CCNL1: variants seen among roughly 807,000 people sequenced by gnomAD.
CCNL1 encodes cyclin-L1.
Under a neutral mutation model 60.6 loss-of-function variants are expected in CCNL1, and 13 were observed. The observed-to-expected ratio is 0.21, with a 90% confidence interval of 0.14 to 0.34. CCNL1 has a LOEUF of 0.34. Among genes scored for constraint, CCNL1 ranks in the 10% least tolerant of loss-of-function variants. The probability of loss-of-function intolerance (pLI) is 1.00; values close to 1 mark genes in which losing one functional copy is unlikely to be tolerated. For missense variants in CCNL1, 481 were observed against 664.3 expected (o/e 0.72, Z 3.03); for synonymous variants, 270 against 244.3 (o/e 1.10, Z -0.98).
chr3:157,146,758 T>C (rs1257267585), downstream of CCNL1, among the ~76,000 whole-genome samples: 2 of 152,158 alleles, frequency 1.3e-5, no homozygotes, highest in Non-Finnish European at 2.9e-5. Context: ...TTTTCAGAAA[T>C]ATCTATTTAT....
At chr3:157,145,594 C>G (rs1233699024), downstream of CCNL1, among the ~76,000 whole-genome samples, 2 of 151,148 alleles carry the variant, frequency 1.3e-5, no homozygotes, top group Admixed American at 6.6e-5. Flanking sequence ...AAAACAGATA[C>G]AAAAGCCAGT....
At chr3:157,153,278 C>A in intron 3 of CCNL1, 122 bp from the exon 4 acceptor site, 1 of 895,266 alleles carries the variant, frequency 1.1e-6, no homozygotes, top group Non-Finnish European at 1.7e-6. Context: ...TAAACTCCTG[C>A]AAACAAGTTA....
intron 3 of CCNL1, among the ~76,000 whole-genome samples, chr3:157,155,503 T>C (rs1357998249): frequency 6.6e-6 from 1 of 152,214 alleles, no homozygotes. Context: ...ACTTAACTTC[T>C]TGCTTAATCC....
intron 3 of CCNL1, among the ~76,000 whole-genome samples, chr3:157,154,953 CAT>C (rs1738504043): frequency 6.6e-6 from 1 of 152,056 alleles, no homozygotes; most frequent in Non-Finnish European, 1.5e-5. Flanking sequence ...TACATACATA[CAT>C]ACATACATAC....
Position 157,150,546 on chromosome 3 carries a change from GCAAT to G in CCNL1, c.675-169_675-166del, listed in dbSNP as rs1341283585. 34 of 1,369,272 alleles carry G rather than the reference GCAAT, an allele frequency of 2.5e-5. No homozygotes were observed. In the Admixed American group the frequency reaches 2.9e-4, roughly 12 times the overall value. 84.8% of individuals were successfully genotyped at this position (1,369,272 alleles called of 1,614,324 possible). A position where few individuals can be genotyped will look rare whatever the true frequency, so the allele number is the denominator to read the frequency against. ...ACTCTTAACTCAAAAAAATCAGTAAGCAATAAGAATTTAATACTAGGACCATATG... is the reference window on the plus strand; with the variant it reads ...ACTCTTAACTCAAAAAAATCAGTAAGAAGAATTTAATACTAGGACCATATG... On this transcript the variant is annotated intron_variant, in intron 5 of 10. Coordinates refer to ENST00000295926, the MANE Select transcript of CCNL1 (RefSeq NM_020307.4).
chr3:157,150,959 T>C lies in CCNL1; in HGVS notation c.675-578A>G, dbSNP rs555562615. The C allele has an allele frequency of 5.9e-5, 58 of 984,924 alleles. No individual in the cohort carries two copies. In the African/African-American group the frequency reaches 9.9e-4, roughly 17 times the overall value. The allele number at this position is 984,924 out of a possible 1,614,324, so 61.0% of individuals were successfully genotyped here. A position where few individuals can be genotyped will look rare whatever the true frequency, so the allele number is the denominator to read the frequency against. The stretch of plus-strand genomic sequence containing the variant: ...TAATGGCCTTGTTTACATACCTTTT[T>C]TGTGACTAGGTAAAAGAGATAAACT... On this transcript the variant is annotated intron_variant, in intron 5 of 10. Coordinates refer to ENST00000295926, the MANE Select transcript of CCNL1 (RefSeq NM_020307.4).
In CCNL1 at chr3:157,149,315, G is replaced by T; in HGVS notation, c.1204C>A (p.Arg402Ser). The T allele has an allele frequency of 1.9e-6, 3 of 1,613,442 alleles. No individual in the cohort carries two copies. The highest frequency in any genetic ancestry group is 2.5e-6 in the Non-Finnish European group (3 of 1,179,422). ...CTTCTTGGAGTATGTGATCTAGAAC[G>T]TGATCGTGTTCTTGACCTCGATCGA... ...ASRSRSRTRS[R>S]SRSHTPRRHY... Residue 402 changes from arginine (R) to serine (S), a missense_variant, in exon 10 of 11, where the codon CGT becomes AGT. Arg to Ser is a moderately radical substitution (Grantham distance 110, BLOSUM62 -1). This residue lies in a region of CCNL1 where 197 missense variants were observed against 233.9 expected (regional missense o/e 0.84). Transcript: ENST00000295926.
chr3:157,155,733 G>C (rs137991474), intron 3 of CCNL1, among the ~76,000 whole-genome samples: 335 of 152,224 alleles, frequency 2.2e-3, no homozygotes, highest in African/African-American at 7.7e-3. Flanking sequence ...AGTACCTTCT[G>C]TTGCAACAAG....
At chr3:157,158,695 T>C in intron 3 of CCNL1, 171 bp downstream of exon 3, 3 of 514,570 alleles carry the variant, frequency 5.8e-6, no homozygotes, top group Non-Finnish European at 1.0e-5. Context: ...TTATGTTTCT[T>C]TTTTCAAATT....
At chr3:157,148,988 CTA>C in intron 10 of CCNL1, 1 of 327,098 alleles carries the variant, frequency 3.1e-6, no homozygotes. Context: ...AACACATTTT[CTA>C]ACTGAAATTA....
intron 3 of CCNL1, chr3:157,154,439 T>TCTTTG (rs1168865655): frequency 6.6e-6 from 1 of 152,128 alleles, no homozygotes; most frequent in African/African-American, 2.4e-5. Flanking sequence ...GACTTAAGAG[T>TCTTTG]CTTTGCTCTA....
downstream of CCNL1, among the ~76,000 whole-genome samples, chr3:157,145,437 C>CAAAAAAAAAAAAAAAAAAAAAAAAA (rs56894231): frequency 4.1e-4 from 10 of 24,266 alleles, no homozygotes; most frequent in East Asian, 5.0e-3. Context: ...GACTTCATCT[C>CAAAAAAAAAAAAAAAAAAAAAAAAA]AAAAAAAAAA....
chr3:157,153,192 G>C, intron 3 of CCNL1, 36 bp from the exon 4 acceptor site: 2 of 1,577,806 alleles, frequency 1.3e-6, no homozygotes, highest in Non-Finnish European at 1.7e-6. Flanking sequence ...AAACTGTTTT[G>C]CACATCCAAA....
downstream of CCNL1, among the ~76,000 whole-genome samples, chr3:157,143,852 A>G (rs1475810647): frequency 6.6e-6 from 1 of 152,202 alleles, no homozygotes; most frequent in East Asian, 1.9e-4. Context: ...AGCGAGGTTG[A>G]TGGGAGAGGC....
In CCNL1 at chr3:157,150,288, T is replaced by C; in HGVS notation, c.768A>G (p.Ala256=). The change falls in exon 6 of 11, where the codon GCA becomes GCG. Residue 256 remains alanine, a synonymous_variant. Coordinates refer to ENST00000295926, the MANE Select transcript of CCNL1 (RefSeq NM_020307.4). Reference sequence around the variant, plus strand: ...ATGGGAAATATACACCTACCTGAAGTGCTCTAGCTGCAAGGTAGATGCAAG... The same window carrying C: ...ATGGGAAATATACACCTACCTGAAGCGCTCTAGCTGCAAGGTAGATGCAAG... ...ACACIYLAAR[A]LQIPLPTRPH... is the part of the protein sequence containing the mutation. The C allele has an allele frequency of 6.2e-7, 1 of 1,613,840 alleles. No homozygotes were observed. Among genetic ancestry groups the C allele is most frequent in the Non-Finnish European group, 8.5e-7 (1 of 1,179,792 alleles).
chr3:157,149,179 T>G, intron 10 of CCNL1, 108 bp downstream of exon 10: 1 of 878,786 alleles, frequency 1.1e-6, no homozygotes. Context: ...ACTAAAAGCC[T>G]AATTCTAACC....
rs1204637053 is a variant in CCNL1, at chr3:157,153,420, CT to C, written c.489-265del. ...ATGTTCTTGAATTCATCCCTGCCAA[CT>C]TTTCCATTCTGCTTATATTCTAGGT... On this transcript the variant is annotated intron_variant, in intron 3 of 10. Coordinates refer to ENST00000295926, the MANE Select transcript of CCNL1 (RefSeq NM_020307.4). 16 of 334,590 alleles carry C rather than the reference CT, an allele frequency of 4.8e-5. No individual in the cohort carries two copies. The East Asian group carries it at 9.5e-4, about 20-fold the overall frequency. The allele number at this position is 334,590 out of a possible 1,614,324, so 20.7% of individuals were successfully genotyped here. A position where few individuals can be genotyped will look rare whatever the true frequency, so the allele number is the denominator to read the frequency against.
At chr3:157,150,993 TA>T in intron 5 of CCNL1, 1 of 985,294 alleles carries the variant, frequency 1.0e-6, no homozygotes, top group Non-Finnish European at 1.2e-6. Flanking sequence ...CTATTTCAGT[TA>T]AAAAATTGCT....
At chr3:157,154,988 G>T (rs1439134350) in intron 3 of CCNL1, among the ~76,000 whole-genome samples, 1 of 147,092 alleles carries the variant, frequency 6.8e-6, no homozygotes, top group Non-Finnish European at 1.5e-5. Flanking sequence ...ATATTCCAAA[G>T]ATCTTAAGGT....
Sources: gnomAD v4.1 joint callset for allele counts (sites outside exome capture counted in the v4.1 genomes callset) on GRCh38, gnomAD v4.1.1 for gene constraint, gnomAD v4.1.1 regional missense constraint, MANE v1.5 for transcripts, NCBI Gene and HGNC (gene_info 2026-07-23, HGNC 2026-07-21) for gene names.